The following ARHGAP24 variants were observed in gnomAD, a reference collection of about 807,000 sequenced individuals.
ARHGAP24 encodes Rho GTPase activating protein 24.
Under a neutral mutation model 76.4 loss-of-function variants are expected in ARHGAP24, and 50 were observed. The ratio of observed to expected loss-of-function variants is 0.65; its 90% CI spans 0.52 to 0.83. ARHGAP24 has a LOEUF of 0.83. Among genes scored for constraint, ARHGAP24 ranks in the 40% least tolerant of loss-of-function variants. ARHGAP24 has a pLI of 0.00. For synonymous variants in ARHGAP24, 345 were observed against 323.3 expected, an observed-to-expected ratio of 1.07 and a Z score of -0.72; for missense variants, 930 against 914.2, an observed-to-expected ratio of 1.02 and a Z score of -0.22.
intron 3 of ARHGAP24, among the ~76,000 whole-genome samples, chr4:85,826,924 A>G (rs1293329286): frequency 6.6e-6 from 1 of 152,248 alleles, no homozygotes; most frequent in Non-Finnish European, 1.5e-5. Flanking sequence ...ATATACAACT[A>G]AGAAGAAATG....
chr4:85,544,876 C>G (rs992371274), intron 1 of ARHGAP24, among the ~76,000 whole-genome samples: 1 of 151,816 alleles, frequency 6.6e-6, no homozygotes, highest in African/African-American at 2.4e-5. Context: ...TTCAGCTTTT[C>G]TTTTTTTCGC....
intron 3 of ARHGAP24, among the ~76,000 whole-genome samples, chr4:85,835,171 G>C (rs1560660105): frequency 6.6e-6 from 1 of 151,824 alleles, no homozygotes; most frequent in Non-Finnish European, 1.5e-5. Flanking sequence ...CACTCTTGCC[G>C]ACACCCTTTC....
chr4:85,791,167 G>A (rs1343830812), intron 3 of ARHGAP24, among the ~76,000 whole-genome samples: 1 of 152,158 alleles, frequency 6.6e-6, no homozygotes, highest in East Asian at 1.9e-4. Context: ...TGGCGTATGA[G>A]GGCAGCTGCC....
chr4:85,690,210 T>TCAGAGATATTCA (rs1723579451), intron 2 of ARHGAP24, among the ~76,000 whole-genome samples: 1 of 130,372 alleles, frequency 7.7e-6, no homozygotes, highest in Non-Finnish European at 1.7e-5. Flanking sequence ...ATTGATATTC[T>TCAGAGATATTCA]TCAGAGATAT....
chr4:85,897,400 TGTG>T (rs1734238001), intron 3 of ARHGAP24, among the ~76,000 whole-genome samples: 1 of 152,258 alleles, frequency 6.6e-6, no homozygotes. Flanking sequence ...TTCACTCATA[TGTG>T]ATCCCAAAAG....
rs1722790453 is a variant in ARHGAP24, at chr4:85,670,757, T to C, written c.181-51128T>C. Among the ~76,000 whole-genome samples the C allele has an allele frequency of 2.0e-5, 3 of 152,198 alleles. No individual in the cohort carries two copies. In the South Asian group the frequency reaches 6.2e-4, roughly 32 times the overall value. On this transcript the variant is annotated intron_variant, in intron 2 of 9. Transcript: ENST00000395184. ...AAGCCACTCCCTGTACTTTAGATCA[T>C]TTGCAAAATTTTCTTCACATTGTCC... is the stretch of plus-strand genomic sequence containing the variant.
chr4:85,572,418 T>C (rs1291842765), intron 2 of ARHGAP24, among the ~76,000 whole-genome samples: 2 of 152,216 alleles, frequency 1.3e-5, no homozygotes, highest in Non-Finnish European at 2.9e-5. Context: ...CTAGAATTCA[T>C]GTGCACATTC....
intron 2 of ARHGAP24, among the ~76,000 whole-genome samples, chr4:85,680,781 ATAT>A (rs1280823355): frequency 6.7e-6 from 1 of 148,538 alleles, no homozygotes; most frequent in Non-Finnish European, 1.5e-5. Context: ...AATATATATA[ATAT>A]TATAATTATA....
At chr4:85,584,785 A>T (rs745913909) in intron 2 of ARHGAP24, among the ~76,000 whole-genome samples, 1 of 152,192 alleles carries the variant, frequency 6.6e-6, no homozygotes, top group African/African-American at 2.4e-5. Context: ...AAGGAACTTC[A>T]TTCCTACTTT....
intron 1 of ARHGAP24, among the ~76,000 whole-genome samples, chr4:85,541,866 AT>A (rs1238037641): frequency 9.9e-5 from 15 of 152,138 alleles, no homozygotes; most frequent in African/African-American, 3.6e-4. Context: ...ATGAGCTTTT[AT>A]TCTTCACGAT....
chr4:85,998,235 T>C (rs1462739663), intron 9 of ARHGAP24, among the ~76,000 whole-genome samples: 1 of 152,208 alleles, frequency 6.6e-6, no homozygotes, highest in Non-Finnish European at 1.5e-5. Context: ...ATATTTTATA[T>C]TGAACAATTT....
At position 85,950,612 on chromosome 4, in the gene ARHGAP24, A is replaced by G. The variant is rs1439898282; in HGVS notation, c.599+8339A>G. On this transcript the variant is annotated intron_variant, in intron 5 of 9. Coordinates refer to ENST00000395184, the MANE Select transcript of ARHGAP24 (RefSeq NM_001025616.3). ...AGGTTGATTCTGTATAACTTGGCAGATTATAATAATTTTTTTTCTTTTTCT... is the reference window on the plus strand; with the variant it reads ...AGGTTGATTCTGTATAACTTGGCAGGTTATAATAATTTTTTTTCTTTTTCT... 3.3e-5 allele frequency among the ~76,000 whole-genome samples: 5 copies of G among 152,058 alleles called. No individual in the cohort carries two copies. In the South Asian group the frequency reaches 8.3e-4, roughly 25 times the overall value.
Position 85,688,816 on chromosome 4 carries a change from A to G in ARHGAP24, c.181-33069A>G, listed in dbSNP as rs543652635. Among the ~76,000 whole-genome samples the G allele has an allele frequency of 2.6e-4, 40 of 151,726 alleles. 1 individual carries two copies. The highest frequency in any genetic ancestry group is 9.4e-4 in the African/African-American group (39 of 41,440). On this transcript the variant is annotated intron_variant, in intron 2 of 9. Coordinates refer to ENST00000395184, the MANE Select transcript of ARHGAP24 (RefSeq NM_001025616.3). ...TATGGTTAGTCAGTTGCTGAATAGT[A>G]TGTTCTTGTTTTTGTGACCTTGTTG...
intron 2 of ARHGAP24, among the ~76,000 whole-genome samples, chr4:85,693,727 G>A (rs1458843200): frequency 1.3e-5 from 2 of 152,240 alleles, no homozygotes; most frequent in African/African-American, 4.8e-5. Context: ...GAGCAGGAGG[G>A]CCTGCAGAAC....
intron 3 of ARHGAP24, among the ~76,000 whole-genome samples, chr4:85,810,637 G>C (rs569826422): frequency 1.6e-4 from 25 of 152,042 alleles, no homozygotes; most frequent in Non-Finnish European, 3.2e-4. Context: ...ATCTATTCTA[G>C]TGGTACTGCA....
At chr4:85,798,993 TA>T (rs1337933609) in intron 3 of ARHGAP24, among the ~76,000 whole-genome samples, 3 of 152,040 alleles carry the variant, frequency 2.0e-5, no homozygotes, top group African/African-American at 7.2e-5. Flanking sequence ...GACAGAAAAT[TA>T]GAAAATTAGT....
At chr4:85,990,128 C>T (rs1347223140) in intron 8 of ARHGAP24, 2 of 151,578 alleles carry the variant, frequency 1.3e-5, no homozygotes, top group Admixed American at 6.6e-5. Flanking sequence ...ATTTATAAAA[C>T]TTTATTGTAT....
At chr4:85,504,129 A>C (rs961545703) in intron 1 of ARHGAP24, among the ~76,000 whole-genome samples, 1 of 152,220 alleles carries the variant, frequency 6.6e-6, no homozygotes, top group Non-Finnish European at 1.5e-5. Context: ...GGAGTGCTTT[A>C]CTTCCAATTA....
intron 1 of ARHGAP24, among the ~76,000 whole-genome samples, chr4:85,512,279 A>G (rs1249491400): frequency 6.6e-6 from 1 of 152,250 alleles, no homozygotes; most frequent in Non-Finnish European, 1.5e-5. Flanking sequence ...TGCTGTGAGG[A>G]TTAAATGAGA....
Sources: gnomAD v4.1 joint callset for allele counts (sites outside exome capture counted in the v4.1 genomes callset) on GRCh38, gnomAD v4.1.1 for gene constraint, MANE v1.5 for transcripts, NCBI Gene and HGNC (gene_info 2026-07-23, HGNC 2026-07-21) for gene names.